The following NPY2R variants were observed in gnomAD, a reference collection of about 807,000 sequenced individuals.
NPY2R encodes the protein neuropeptide Y receptor Y2, also known as neuropeptide Y receptor type 2.
Under a neutral mutation model 22.3 loss-of-function variants are expected in NPY2R, and 17 were observed. The ratio of observed to expected loss-of-function variants is 0.76; its 90% CI spans 0.52 to 1.14. The LOEUF (loss-of-function observed/expected upper bound fraction) is 1.14, where lower values mean the gene tolerates loss of function less well. Ranked by LOEUF, NPY2R falls within the 50% of genes most tolerant of loss-of-function variation. The pLI is 0.00. For synonymous variants in NPY2R, 209 were observed against 183.4 expected, an observed-to-expected ratio of 1.14 and a Z score of -1.13; for missense variants, 424 against 467.9, an observed-to-expected ratio of 0.91 and a Z score of 0.87.
chr4:155,192,786 A>G, the NPY2R span, among the ~76,000 whole-genome samples: 1 of 151,928 alleles, frequency 6.6e-6, no homozygotes, highest in African/African-American at 2.4e-5. Flanking sequence ...TCTCAGCTCC[A>G]AACCTCAAGA....
the NPY2R span, among the ~76,000 whole-genome samples, chr4:155,184,210 C>T: frequency 1.3e-5 from 1 of 79,170 alleles, no homozygotes; most frequent in Non-Finnish European, 2.4e-5. Context: ...ACACTGAACC[C>T]CACCTCTAGC....
chr4:155,176,553 C>A, the NPY2R span, among the ~76,000 whole-genome samples: 4,344 of 152,178 alleles, frequency 0.029, 214 homozygotes, highest in African/African-American at 0.1. Context: ...TAGGTGGTTA[C>A]CCTACCTGAT....
chr4:155,190,531 A>T, the NPY2R span, among the ~76,000 whole-genome samples: 1 of 151,984 alleles, frequency 6.6e-6, no homozygotes, highest in Non-Finnish European at 1.5e-5. Context: ...AGAGTAAAAT[A>T]AAAGGAGGGT....
At chr4:155,198,648 CT>C in the NPY2R span, among the ~76,000 whole-genome samples, 5 of 86,144 alleles carry the variant, frequency 5.8e-5, no homozygotes, top group Non-Finnish European at 1.1e-4. Context: ...AGTGATTTCA[CT>C]GACTTTCAGT....
At chr4:155,184,483 G>T in the NPY2R span, among the ~76,000 whole-genome samples, 1 of 152,100 alleles carries the variant, frequency 6.6e-6, no homozygotes, top group African/African-American at 2.4e-5. Flanking sequence ...AAAAAACAAA[G>T]CTAAGTATAC....
chr4:155,182,804 G>GT, the NPY2R span, among the ~76,000 whole-genome samples: 3 of 152,046 alleles, frequency 2.0e-5, no homozygotes, highest in Non-Finnish European at 4.4e-5. Flanking sequence ...TTGTTTGTTT[G>GT]TTTTTTGAGA....
At chr4:155,212,060 C>T (rs138250413) in intron 1 of NPY2R, among the ~76,000 whole-genome samples, 162 of 152,236 alleles carry the variant, frequency 1.1e-3, no homozygotes, top group African/African-American at 1.9e-3. Context: ...CAGAACAGAA[C>T]AGAGGAACAG....
At chr4:155,195,208 C>T in the NPY2R span, among the ~76,000 whole-genome samples, 1 of 151,944 alleles carries the variant, frequency 6.6e-6, no homozygotes. Context: ...AACATGTCAA[C>T]CTGAATAATT....
chr4:155,186,366 A>G, the NPY2R span, among the ~76,000 whole-genome samples: 4 of 152,206 alleles, frequency 2.6e-5, no homozygotes, highest in South Asian at 6.2e-4. Flanking sequence ...CAGATGAACT[A>G]GTGTCAACTA....
chr4:155,179,655 T>C, the NPY2R span, among the ~76,000 whole-genome samples: 1 of 152,214 alleles, frequency 6.6e-6, no homozygotes, highest in Admixed American at 6.5e-5. Flanking sequence ...TTCCAAGGAA[T>C]TTGTCTTATG....
chr4:155,191,656 TCAAATC>T, the NPY2R span, among the ~76,000 whole-genome samples: 3 of 151,906 alleles, frequency 2.0e-5, no homozygotes, highest in Non-Finnish European at 2.9e-5. Context: ...TATTCATCTT[TCAAATC>T]CTTGCCTGAA....
chr4:155,182,995 G>A, the NPY2R span, among the ~76,000 whole-genome samples: 3 of 152,034 alleles, frequency 2.0e-5, no homozygotes, highest in Non-Finnish European at 2.9e-5. Flanking sequence ...GTTTCACCAT[G>A]TTGGCCAGGC....
the NPY2R span, among the ~76,000 whole-genome samples, chr4:155,186,145 A>G: frequency 6.6e-6 from 1 of 152,276 alleles, no homozygotes; most frequent in Non-Finnish European, 1.5e-5. Context: ...TATTAGTTAG[A>G]CTTAATATTA....
At chr4:155,203,321 A>G in the NPY2R span, among the ~76,000 whole-genome samples, 9 of 152,242 alleles carry the variant, frequency 5.9e-5, no homozygotes, top group East Asian at 3.9e-4. Context: ...AATTTAGCCT[A>G]TGAGATTTGT....
chr4:155,198,852 C>T, the NPY2R span, among the ~76,000 whole-genome samples: 4 of 151,780 alleles, frequency 2.6e-5, no homozygotes, highest in Non-Finnish European at 5.9e-5. Context: ...ACAGGTAGCT[C>T]TCCACACTTC....
At chr4:155,188,832 C>T in the NPY2R span, among the ~76,000 whole-genome samples, 1 of 152,096 alleles carries the variant, frequency 6.6e-6, no homozygotes, top group Non-Finnish European at 1.5e-5. Context: ...TAACTGTAGC[C>T]TTGTGAGATA....
chr4:155,206,535 A>G (rs1729287435), upstream of NPY2R: 1 of 152,236 alleles, frequency 6.6e-6, no homozygotes, highest in Non-Finnish European at 1.5e-5. Flanking sequence ...TCAGTTTCTC[A>G]TCCAATTCTG....
chr4:155,191,497 G>A, the NPY2R span, among the ~76,000 whole-genome samples: 1 of 151,830 alleles, frequency 6.6e-6, no homozygotes, highest in East Asian at 1.9e-4. Flanking sequence ...CAGACATCTG[G>A]CAAATGCATA....
chr4:155,182,741 CA>C, the NPY2R span, among the ~76,000 whole-genome samples: 1 of 152,018 alleles, frequency 6.6e-6, no homozygotes, highest in African/African-American at 2.4e-5. Context: ...ACATGGGGCA[CA>C]GAGAGAACAT....
Sources: allele counts gnomAD v4.1 joint callset (sites outside exome capture counted in the v4.1 genomes callset), GRCh38; gene constraint gnomAD v4.1.1; transcripts MANE v1.5; gene names NCBI Gene and HGNC (gene_info 2026-07-23, HGNC 2026-07-21).